The following KLHL42 variants were observed in gnomAD, a reference collection of about 807,000 sequenced individuals.
KLHL42 encodes kelch-like protein 42.
In KLHL42, 27 loss-of-function variants were observed where a neutral mutation model predicts 32.7. That is an observed-to-expected ratio of 0.83 (90% confidence interval 0.61 to 1.14). KLHL42 has a LOEUF of 1.14. KLHL42 is among the 50% of genes most tolerant of loss of function. KLHL42 has a pLI of 0.00. For synonymous variants in KLHL42, 267 were observed against 248.2 expected (o/e 1.08, Z -0.71); for missense variants, 491 against 560.8 (o/e 0.88, Z 1.26).
In KLHL42 at chr12:27,797,641, G is replaced by A. The variant is rs904601244; in HGVS notation, c.1067-74G>A. On this transcript the variant is annotated intron_variant, in intron 2 of 2. Transcript: ENST00000381271. ...TTGTTACCAAATTATGCAGGCAGAG[G>A]TAGACATTTCTGTACAGACTTGCCT... The A allele has an allele frequency of 9.1e-6, 6 of 659,490 alleles. No homozygotes were observed. In the Admixed American group the frequency reaches 1.4e-4, roughly 16 times the overall value. 40.9% of individuals were successfully genotyped at this position (659,490 alleles called of 1,614,324 possible).
At chr12:27,786,494 T>C (rs1444096604) in intron 1 of KLHL42, among the ~76,000 whole-genome samples, 1 of 152,198 alleles carries the variant, frequency 6.6e-6, no homozygotes, top group East Asian at 1.9e-4. Context: ...AGGTTATGCA[T>C]GCACTGGAAG....
chr12:27,780,509 C>T lies in KLHL42; in HGVS notation c.179C>T (p.Pro60Leu). 1 of 1,540,120 alleles carries T rather than the reference C, an allele frequency of 6.5e-7. No individual in the cohort carries two copies. Among genetic ancestry groups the T allele is most frequent in the East Asian group, 2.5e-5 (1 of 39,860 alleles). ...EVQQLRGLSA[P>L]GLRLVLDFIN... is the part of the protein sequence containing the mutation. ...CAGCAGCTGCGCGGCCTCAGCGCGC[C>T]GGGCCTGCGGCTGGTGCTGGACTTC... The change falls in exon 1 of 3, where the codon CCG (proline) becomes CTG (leucine). Residue 60 changes from proline to leucine, a missense_variant. By Grantham distance (98) the Pro-to-Leu change is moderately conservative. Around this residue, in one of 4 missense-constraint regions of KLHL42, gnomAD observed 88 missense variants for 89.0 expected, o/e 0.99. Transcript: ENST00000381271. This position sits in a 1 kb window ranked among gnomAD's most constrained non-coding sequence, Gnocchi z 8.8.
intron 1 of KLHL42, among the ~76,000 whole-genome samples, chr12:27,786,919 G>A (rs1356426009): frequency 1.3e-5 from 2 of 151,424 alleles, no homozygotes; most frequent in Admixed American, 1.3e-4. Context: ...TAGAGATGGG[G>A]TTTCACTGTG....
chr12:27,794,177 A>G (rs2062209432), intron 2 of KLHL42, among the ~76,000 whole-genome samples: 1 of 152,236 alleles, frequency 6.6e-6, no homozygotes, highest in Admixed American at 6.5e-5. Flanking sequence ...CTAAAACAAC[A>G]GAAACATATT....
rs765460612 is a variant in KLHL42, at chr12:27,801,133, A to G, written c.*2967A>G. ...ACAACGACGAAGTGCTGAGAAGGTT[A>G]TGGGTACCAGGAAGAAACAAACAGA... is the stretch of plus-strand genomic sequence containing the variant. On this transcript the variant is annotated 3_prime_UTR_variant, in exon 3 of 3. Transcript: ENST00000381271. 5 of 152,628 alleles carry G rather than the reference A, an allele frequency of 3.3e-5. No individual in the cohort carries two copies. The highest frequency in any genetic ancestry group is 1.9e-4 in the East Asian group (1 of 5,200). The allele number at this position is 152,628 out of a possible 1,614,324, so 9.5% of individuals were successfully genotyped here.
chr12:27,780,844 C>T lies in KLHL42; in HGVS notation c.514C>T (p.Pro172Ser), dbSNP rs1487723362. The change falls in exon 1 of 3, where the codon CCT (proline) becomes TCT (serine). Residue 172 changes from proline to serine, a missense_variant. Pro to Ser is a moderately conservative substitution (Grantham distance 74). Around this residue, in one of 4 missense-constraint regions of KLHL42, gnomAD observed 248 missense variants for 329.2 expected, o/e 0.75. Transcript: ENST00000381271. This position sits in a 1 kb window ranked among gnomAD's most constrained non-coding sequence, Gnocchi z 8.8. Reference protein sequence around the residue: ...CKPQFHLLGSPPQAPGDVSLK... With the variant: ...CKPQFHLLGSSPQAPGDVSLK... ...GCCCCAGTTCCACCTCCTGGGGTCT[C>T]CTCCCCAAGCTCCAGGGGATGTCAG... 1 of 1,613,922 alleles carries T rather than the reference C, an allele frequency of 6.2e-7. No individual in the cohort carries two copies. Among genetic ancestry groups the T allele is most frequent in the Non-Finnish European group, 8.5e-7 (1 of 1,180,004 alleles).
At chr12:27,791,158 T>C (rs1166022701) in intron 1 of KLHL42, among the ~76,000 whole-genome samples, 2 of 152,230 alleles carry the variant, frequency 1.3e-5, no homozygotes, top group Admixed American at 6.5e-5. Context: ...TTAGATGCCC[T>C]TGGAGGCGGG....
At chr12:27,795,580 T>C (rs1377458876) in intron 2 of KLHL42, among the ~76,000 whole-genome samples, 1 of 152,178 alleles carries the variant, frequency 6.6e-6, no homozygotes, top group African/African-American at 2.4e-5. Flanking sequence ...TTCCCAGCAG[T>C]TCCTAATAGT....
intron 2 of KLHL42, chr12:27,792,135 G>T (rs1367718625): frequency 1.3e-5 from 4 of 314,586 alleles, no homozygotes; most frequent in African/African-American, 2.6e-5. Flanking sequence ...AGGGAGAGCT[G>T]TGAAAAAAAA....
Position 27,798,253 on chromosome 12 carries a change from G to A in KLHL42, c.*87G>A. On this transcript the variant is annotated 3_prime_UTR_variant, in exon 3 of 3. Coordinates refer to ENST00000381271, the MANE Select transcript of KLHL42 (RefSeq NM_020782.2). Reference sequence around the variant, plus strand: ...ATTCCAAGGGAGACCAATTCCTAAAGGGTAAAGAAGGGTTAAAGTAGGTCA... The same window carrying A: ...ATTCCAAGGGAGACCAATTCCTAAAAGGTAAAGAAGGGTTAAAGTAGGTCA... The A allele has an allele frequency of 1.5e-6, 1 of 678,826 alleles. No individual in the cohort carries two copies. The highest frequency in any genetic ancestry group is 2.6e-6 in the Non-Finnish European group (1 of 377,810). 42.1% of individuals were successfully genotyped at this position (678,826 alleles called of 1,614,324 possible). A position where few individuals can be genotyped will look rare whatever the true frequency, so the allele number is the denominator to read the frequency against.
At position 27,780,322 on chromosome 12, in the gene KLHL42, C is replaced by A. The variant is rs368325485; in HGVS notation, c.-9C>A. ...GGCGGTGAGCGCTGCCGCCCCGGGG[C>A]CCCCAGCCATGTCGGCCGAGGAGAT... On this transcript the variant is annotated 5_prime_UTR_variant, in exon 1 of 3. Transcript: ENST00000381271. The surrounding 1 kb of genome is among the most constrained non-coding windows in gnomAD (Gnocchi z 8.8). 239 of 1,552,298 alleles carry A rather than the reference C, an allele frequency of 1.5e-4. No individual in the cohort carries two copies. The African/African-American group carries it at 3.0e-3, about 19-fold the overall frequency.
At chr12:27,790,040 G>T (rs1035916856) in intron 1 of KLHL42, among the ~76,000 whole-genome samples, 1 of 152,126 alleles carries the variant, frequency 6.6e-6, no homozygotes, top group Non-Finnish European at 1.5e-5. Flanking sequence ...TCAAGCATGG[G>T]CTTCTTGTTT....
At chr12:27,784,822 A>G (rs1239177873) in intron 1 of KLHL42, among the ~76,000 whole-genome samples, 3 of 152,202 alleles carry the variant, frequency 2.0e-5, no homozygotes, top group African/African-American at 7.2e-5. Flanking sequence ...ATTTTTCCCA[A>G]TTAGAAGAGA....
chr12:27,802,289 G>A lies in KLHL42; in HGVS notation c.*4123G>A, dbSNP rs963018320. On this transcript the variant is annotated 3_prime_UTR_variant, in exon 3 of 3. Transcript: ENST00000381271. ...AGCAGCTTGTTCCAGTGAAAAGGAG[G>A]AGTGAAGCTGGGGAAGTTAGTATCT... The A allele has an allele frequency of 6.6e-6, 1 of 152,194 alleles. No individual in the cohort carries two copies. The highest frequency in any genetic ancestry group is 2.1e-4 in the South Asian group (1 of 4,822). 9.4% of individuals were successfully genotyped at this position (152,194 alleles called of 1,614,324 possible).
At chr12:27,789,435 G>A (rs947380005) in intron 1 of KLHL42, among the ~76,000 whole-genome samples, 1 of 152,188 alleles carries the variant, frequency 6.6e-6, no homozygotes, top group Non-Finnish European at 1.5e-5. Flanking sequence ...GCATTAAAAA[G>A]TGTTTCTCTT....
At chr12:27,795,301 C>G (rs941380233) in intron 2 of KLHL42, among the ~76,000 whole-genome samples, 1 of 152,126 alleles carries the variant, frequency 6.6e-6, no homozygotes, top group Admixed American at 6.5e-5. Context: ...TTTCCATGAC[C>G]CTGGCTGAGC....
chr12:27,782,593 T>G (rs964436610), intron 1 of KLHL42, among the ~76,000 whole-genome samples: 2 of 152,120 alleles, frequency 1.3e-5, no homozygotes, highest in Non-Finnish European at 2.9e-5. Flanking sequence ...GGTGGTCTGA[T>G]TAGGGGTGGG....
intron 1 of KLHL42, among the ~76,000 whole-genome samples, chr12:27,788,595 T>C (rs2062183349): frequency 1.3e-5 from 2 of 152,176 alleles, no homozygotes; most frequent in South Asian, 4.2e-4. Flanking sequence ...CTTGGGAGGC[T>C]GAGTCAGGAG....
chr12:27,801,075 AG>A lies in KLHL42; in HGVS notation c.*2910del, dbSNP rs2062245289. 6.6e-6 allele frequency: 1 copy of A among 152,636 alleles called. No homozygotes were observed. The highest frequency in any genetic ancestry group is 1.5e-5 in the Non-Finnish European group (1 of 68,048). 9.5% of individuals were successfully genotyped at this position (152,636 alleles called of 1,614,324 possible). On this transcript the variant is annotated 3_prime_UTR_variant, in exon 3 of 3. Transcript: ENST00000381271. Reference sequence around the variant, plus strand: ...AAAGGTTTTCTGATGAATGTGTGAAAGAGTTGATTATTTCAACAGTATTGGT... The same window carrying A: ...AAAGGTTTTCTGATGAATGTGTGAAAAGTTGATTATTTCAACAGTATTGGT...
Sources: allele counts gnomAD v4.1 joint callset (sites outside exome capture counted in the v4.1 genomes callset), GRCh38; gene constraint gnomAD v4.1.1; regional missense constraint gnomAD v4.1.1; non-coding constraint Gnocchi (gnomAD v3.1); transcripts MANE v1.5; gene names NCBI Gene and HGNC (gene_info 2026-07-23, HGNC 2026-07-21).